AKAP12: variants seen among roughly 807,000 people sequenced by gnomAD.
AKAP12 encodes A-kinase anchor protein 12.
A neutral mutation model predicts 79.9 loss-of-function variants in AKAP12; 32 were observed. The observed-to-expected ratio is 0.40, with a 90% CI of 0.30 to 0.54. The LOEUF is 0.54. AKAP12 is among the 20% of genes least tolerant of loss of function. AKAP12 has a pLI of 0.48. For missense variants in AKAP12, 2,074 were observed against 2,177.0 expected, an observed-to-expected ratio of 0.95 and a Z score of 0.94; for synonymous variants, 808 against 857.0, an observed-to-expected ratio of 0.94 and a Z score of 1.00.
chr6:151,353,721 C>T lies in AKAP12; in HGVS notation c.5330C>T (p.Ser1777Leu). The change falls in exon 4 of 5, where the codon TCA (serine) becomes TTA (leucine). Residue 1777 changes from serine (S) to leucine (L), a missense_variant. By Grantham distance (145) the Ser-to-Leu change is moderately radical. This residue lies in a region of AKAP12 where 614 missense variants were observed against 665.6 expected (regional missense o/e 0.92). Transcript: ENST00000402676. ...LQKQERESAK[S>L]ELTES ...AAACAAGAGAGAGAATCTGCAAAGT[C>T]AGAACTTACAGAATCTTAAAACATC... 1 of 1,589,506 alleles carries T rather than the reference C, an allele frequency of 6.3e-7. No individual in the cohort carries two copies. Among genetic ancestry groups the T allele is most frequent in the Non-Finnish European group, 8.5e-7 (1 of 1,169,784 alleles).
intron 2 of AKAP12, among the ~76,000 whole-genome samples, chr6:151,281,203 C>T (rs1038734957): frequency 5.3e-5 from 8 of 152,116 alleles, no homozygotes; most frequent in African/African-American, 1.4e-4. Flanking sequence ...ACTTAACTTG[C>T]GAGCCTCCCT....
rs563109694 is a variant in AKAP12 at position 151,294,814 on chromosome 6, A to T, written c.163-10933A>T. ...CTTTTTATAAAGTAGGGAATACTTG[A>T]CTGAAGTGTTGTGTGTTAAAACATA... On this transcript the variant is annotated intron_variant, in intron 2 of 4. Transcript: ENST00000402676. Among the ~76,000 whole-genome samples, 13 of 152,322 alleles carry T rather than the reference A, an allele frequency of 8.5e-5. No homozygotes were observed. In the South Asian group the frequency reaches 2.7e-3, roughly 32 times the overall value.
Position 151,349,687 on chromosome 6 carries a change from A to C in AKAP12, c.1296A>C (p.Lys432Asn). ...STVEERTEEQ[K>N]TEVEETAGSV... ...TGGAGGAGAGAACCGAAGAGCAGAAAACGGAGGTGGAAGAAACAGCAGGGT... is the reference window on the plus strand; with the variant it reads ...TGGAGGAGAGAACCGAAGAGCAGAACACGGAGGTGGAAGAAACAGCAGGGT... The change falls in exon 4 of 5, where the codon AAA (lysine) becomes AAC (asparagine). Residue 432 changes from lysine (K) to asparagine (N), a missense_variant. This residue lies in a region of AKAP12 where 1,428 missense variants were observed against 1,451.0 expected (regional missense o/e 0.98). Transcript: ENST00000402676. 2 of 1,614,108 alleles carry C rather than the reference A, an allele frequency of 1.2e-6. No homozygotes were observed. The highest frequency in any genetic ancestry group is 1.7e-6 in the Non-Finnish European group (2 of 1,180,014).
At chr6:151,348,680 T>TTGGGGGGGGGGG in intron 3 of AKAP12, 31 bp from the exon 4 acceptor site, 13 of 355,196 alleles carry the variant, frequency 3.7e-5, no homozygotes, top group East Asian at 5.8e-5. Flanking sequence ...TTTTCTCTTC[T>TTGGGGGGGGGGG]CCCCACCCCC....
At chr6:151,252,624 ATGGTGG>A (rs1797203305) in intron 2 of AKAP12, among the ~76,000 whole-genome samples, 2 of 147,166 alleles carry the variant, frequency 1.4e-5, no homozygotes, top group Non-Finnish European at 3.0e-5. Context: ...ATGGTGGCTC[ATGGTGG>A]ACCTGGTATT....
chr6:151,353,665 G>A lies in AKAP12; in HGVS notation c.5274G>A (p.Ala1758=), dbSNP rs767332729. The A allele has an allele frequency of 8.1e-6, 13 of 1,613,764 alleles. No individual in the cohort carries two copies. Among genetic ancestry groups the A allele is most frequent in the African/African-American group, 8.0e-5 (6 of 74,862 alleles). The change falls in exon 4 of 5, where the codon GCG becomes GCA. Residue 1758 remains alanine, a synonymous_variant. Coordinates refer to ENST00000402676, the MANE Select transcript of AKAP12 (RefSeq NM_005100.4). ...AAGTGCACAGTGAATCAGATAAAGCGATCACACCCCAAGCACAGGAGGAGT... is the reference window on the plus strand; with the variant it reads ...AAGTGCACAGTGAATCAGATAAAGCAATCACACCCCAAGCACAGGAGGAGT... ...EGKVHSESDK[A]ITPQAQEELQ...
In AKAP12 at chr6:151,300,721, CT is replaced by C. The variant is rs201751693; in HGVS notation, c.163-5014del. Among the ~76,000 whole-genome samples the C allele has an allele frequency of 5.9e-3, 834 of 141,118 alleles. 5 individuals carry two copies. The highest frequency in any genetic ancestry group is 0.028 in the East Asian group (137 of 4,848). 92.6% of individuals were successfully genotyped at this position (141,118 alleles called of 152,430 possible). On this transcript the variant is annotated intron_variant, in intron 2 of 4. Transcript: ENST00000402676. ...TGGAAACATTTGAGGTTTTTAGGGT[CT>C]TTTTTTTTTTTAACAGCTTGTTTAG...
rs1778336702 is a variant in AKAP12 at position 151,352,900 on chromosome 6, G to A, written c.4509G>A (p.Glu1503=). The part of the protein sequence containing the change: ...KKGLSSDLEG[E]KTTSLKWKSD... The stretch of plus-strand genomic sequence containing the variant: ...GCTTAAGTTCCGACCTGGAAGGAGA[G>A]AAAACCACATCACTGAAGTGGAAGT... Residue 1503 remains glutamate, a synonymous_variant, in exon 4 of 5, where the codon GAG becomes GAA. Coordinates refer to ENST00000402676, the MANE Select transcript of AKAP12 (RefSeq NM_005100.4). 6.2e-7 allele frequency: 1 copy of A among 1,614,098 alleles called. No homozygotes were observed.
intron 2 of AKAP12, among the ~76,000 whole-genome samples, chr6:151,270,327 G>T (rs983515837): frequency 6.6e-6 from 1 of 152,206 alleles, no homozygotes; most frequent in Non-Finnish European, 1.5e-5. Flanking sequence ...CAAAGTGCTG[G>T]GATTACAGGC....
chr6:151,315,363 G>A (rs1777211332), intron 3 of AKAP12, among the ~76,000 whole-genome samples: 2 of 152,132 alleles, frequency 1.3e-5, no homozygotes, highest in South Asian at 2.1e-4. Context: ...AAGGGCAGAG[G>A]GGACAAACAA....
At position 151,304,317 on chromosome 6, in the gene AKAP12, C is replaced by T. The variant is rs190538814; in HGVS notation, c.163-1430C>T. ...CCAGCCTGGCCAACATGGCAAACCA[C>T]GTCTCTACTAAAAATACAAAAATTA... On this transcript the variant is annotated intron_variant, in intron 2 of 4. Transcript: ENST00000402676. 5.6e-3 allele frequency among the ~76,000 whole-genome samples: 842 copies of T among 151,414 alleles called. 6 individuals carry two copies. The highest frequency in any genetic ancestry group is 9.6e-3 in the Non-Finnish European group (652 of 67,828).
chr6:151,354,231 T>G (rs536989277), intron 4 of AKAP12, among the ~76,000 whole-genome samples: 1 of 151,400 alleles, frequency 6.6e-6, no homozygotes, highest in East Asian at 1.9e-4. Flanking sequence ...TGATGATAGC[T>G]CTTTCAGAAA....
In AKAP12 at chr6:151,349,130, C is replaced by A. The variant is rs1778201400; in HGVS notation, c.739C>A (p.Gln247Lys). ...ACCCGAAGAGACCCTGAAGCGTGAG[C>A]AAAGCCACGCAGAAATTTCTCCCCC... ...EKPEETLKRE[Q>K]SHAEISPPAE... Residue 247 changes from glutamine (Q) to lysine (K), a missense_variant, in exon 4 of 5, where the codon CAA becomes AAA. By Grantham distance (53) the Gln-to-Lys change is moderately conservative. Around this residue, in one of 3 missense-constraint regions of AKAP12, gnomAD observed 1,428 missense variants for 1,451.0 expected, o/e 0.98. Transcript: ENST00000402676. 1 of 1,613,734 alleles carries A rather than the reference C, an allele frequency of 6.2e-7. No individual in the cohort carries two copies. Among genetic ancestry groups the A allele is most frequent in the East Asian group, 2.2e-5 (1 of 44,852 alleles).
intron 3 of AKAP12, among the ~76,000 whole-genome samples, chr6:151,316,904 C>T (rs951781578): frequency 3.9e-5 from 6 of 152,200 alleles, no homozygotes; most frequent in African/African-American, 1.2e-4. Context: ...TCTCAAAGTG[C>T]TGGGATTACA....
At position 151,353,427 on chromosome 6, in the gene AKAP12, A is replaced by G; in HGVS notation, c.5036A>G (p.Asp1679Gly). Residue 1679 changes from aspartate (D) to glycine (G), a missense_variant, in exon 4 of 5, where the codon GAT becomes GGT. By Grantham distance (94) the Asp-to-Gly change is moderately conservative. This residue lies in a region of AKAP12 where 614 missense variants were observed against 665.6 expected (regional missense o/e 0.92). Transcript: ENST00000402676. ...GGAACAAAGTCTGTGCCAGAAGATGATGGTCATGCCTTGTTAGCAGAAAGA... is the reference window on the plus strand; with the variant it reads ...GGAACAAAGTCTGTGCCAGAAGATGGTGGTCATGCCTTGTTAGCAGAAAGA... ...GAGTKSVPED[D>G]GHALLAERIE... 1 of 1,614,204 alleles carries G rather than the reference A, an allele frequency of 6.2e-7. No homozygotes were observed. The highest frequency in any genetic ancestry group is 8.5e-7 in the Non-Finnish European group (1 of 1,180,034).
rs762110603 is a variant in AKAP12 at position 151,352,207 on chromosome 6, T to C, written c.3816T>C (p.Asp1272=). 3.1e-6 allele frequency: 5 copies of C among 1,613,992 alleles called. No homozygotes were observed. The highest frequency in any genetic ancestry group is 1.7e-5 in the Admixed American group (1 of 59,992). The change falls in exon 4 of 5, where the codon GAT becomes GAC. Residue 1272 remains aspartate, a synonymous_variant. Coordinates refer to ENST00000402676, the MANE Select transcript of AKAP12 (RefSeq NM_005100.4). ...EGTQEADQYA[D]EKTKDVPFFE... ...CTCAAGAGGCTGACCAGTATGCTGA[T>C]GAGAAAACCAAAGACGTACCATTTT...
At chr6:151,248,763 G>T (rs1436098662) in intron 2 of AKAP12, among the ~76,000 whole-genome samples, 1 of 152,190 alleles carries the variant, frequency 6.6e-6, no homozygotes, top group African/African-American at 2.4e-5. Flanking sequence ...GCCGAGGCGG[G>T]CGGATCACGA....
chr6:151,338,731 G>T (rs564256888), intron 3 of AKAP12, among the ~76,000 whole-genome samples: 2 of 152,182 alleles, frequency 1.3e-5, no homozygotes, highest in African/African-American at 4.8e-5. Context: ...GATTACAGGC[G>T]TGAGCCGCTG....
At chr6:151,291,489 G>A (rs1172131599) in intron 2 of AKAP12, among the ~76,000 whole-genome samples, 1 of 152,158 alleles carries the variant, frequency 6.6e-6, no homozygotes, top group African/African-American at 2.4e-5. Context: ...TTAGGAATCA[G>A]TTGCCCTAGG....
Sources: gnomAD v4.1 joint callset for allele counts (sites outside exome capture counted in the v4.1 genomes callset) on GRCh38, gnomAD v4.1.1 for gene constraint, gnomAD v4.1.1 regional missense constraint, MANE v1.5 for transcripts, NCBI Gene and HGNC (gene_info 2026-07-23, HGNC 2026-07-21) for gene names.